Variants in DDA1 observed in about 807,000 individuals in gnomAD.
DDA1 encodes DET1- and DDB1-associated protein 1.
In DDA1, 3 loss-of-function variants were observed where a neutral mutation model predicts 18.6. The observed-to-expected ratio is 0.16, with a 90% confidence interval of 0.07 to 0.42. The LOEUF (loss-of-function observed/expected upper bound fraction) is 0.42. Ranked by LOEUF, DDA1 falls within the 10% of genes least tolerant of loss-of-function variation. The probability of loss-of-function intolerance (pLI) is 0.99; values close to 1 mark genes in which losing one functional copy is unlikely to be tolerated. For missense variants in DDA1, 105 were observed against 138.2 expected (o/e 0.76, Z 1.20); for synonymous variants, 52 against 54.0 (o/e 0.96, Z 0.17).
chr19:17,314,117 C>T lies in DDA1; in HGVS notation c.84+14C>T, dbSNP rs777131533. 1.5e-4 allele frequency: 241 copies of T among 1,613,254 alleles called. No homozygotes were observed. Among genetic ancestry groups the T allele is most frequent in the Non-Finnish European group, 2.0e-4 (233 of 1,179,420 alleles). On this transcript the variant is annotated intron_variant, in intron 2 of 4. Coordinates refer to ENST00000359866, the MANE Select transcript of DDA1 (RefSeq NM_024050.6). This position sits in a 1 kb window ranked among gnomAD's most constrained non-coding sequence, Gnocchi z 4.6. ...TGCAAAGCCTCGGTGAGTGCGTGTTCCTGGGACTGGGAGGAATTGGTCACT... is the reference window on the plus strand; with the variant it reads ...TGCAAAGCCTCGGTGAGTGCGTGTTTCTGGGACTGGGAGGAATTGGTCACT...
Position 17,309,631 on chromosome 19 carries a change from A to G in DDA1, c.-24A>G. ...GCGGTGGAGGCTGAGGCGGCGGCCG[A>G]GGCGGCGACGGAGGAAACAGAAGAT... On this transcript the variant is annotated 5_prime_UTR_variant, in exon 1 of 5. Coordinates refer to ENST00000359866, the MANE Select transcript of DDA1 (RefSeq NM_024050.6). 1 of 1,612,804 alleles carries G rather than the reference A, an allele frequency of 6.2e-7. No homozygotes were observed.
At chr19:17,315,805 TG>T in intron 3 of DDA1, 128 bp from the exon 4 acceptor site, 2 of 879,640 alleles carry the variant, frequency 2.3e-6, no homozygotes, top group Non-Finnish European at 3.7e-6. Context: ...AGCAAAAACA[TG>T]GGACTTTTGG....
Position 17,322,616 on chromosome 19 carries a change from G to C in DDA1, c.*2960G>C, listed in dbSNP as rs926156614. On this transcript the variant is annotated 3_prime_UTR_variant, in exon 5 of 5. Coordinates refer to ENST00000359866, the MANE Select transcript of DDA1 (RefSeq NM_024050.6). The stretch of plus-strand genomic sequence containing the variant: ...TTTGTCCTCTTCCTGAAAAATGTGA[G>C]GGTCTGAGAGGCCACGTTCCTGTTC... 15 of 152,422 alleles carry C rather than the reference G, an allele frequency of 9.8e-5. No homozygotes were observed. The highest frequency in any genetic ancestry group is 9.8e-4 in the Admixed American group (15 of 15,304). 9.4% of individuals were successfully genotyped at this position (152,422 alleles called of 1,614,324 possible). A position where few individuals can be genotyped will look rare whatever the true frequency, so the allele number is the denominator to read the frequency against.
At position 17,322,471 on chromosome 19, in the gene DDA1, C is replaced by T. The variant is rs1399664959; in HGVS notation, c.*2815C>T. 2 of 152,772 alleles carry T rather than the reference C, an allele frequency of 1.3e-5. No homozygotes were observed. The highest frequency in any genetic ancestry group is 1.9e-4 in the East Asian group (1 of 5,210). 9.5% of individuals were successfully genotyped at this position (152,772 alleles called of 1,614,324 possible). ...CTCCGCCTTTGCACAGGCTGTTCTC[C>T]TGCCTCCAGTGAACTCTGACTTCTC... On this transcript the variant is annotated 3_prime_UTR_variant, in exon 5 of 5. Coordinates refer to ENST00000359866, the MANE Select transcript of DDA1 (RefSeq NM_024050.6).
chr19:17,314,991 C>G lies in DDA1; in HGVS notation c.136+602C>G, dbSNP rs1218702975. Among the ~76,000 whole-genome samples the G allele has an allele frequency of 1.3e-5, 2 of 151,744 alleles. No individual in the cohort carries two copies. Among genetic ancestry groups the G allele is most frequent in the Admixed American group, 6.6e-5 (1 of 15,212 alleles). The stretch of plus-strand genomic sequence containing the variant: ...GTAGCTCCCGCCTGTAATCCCAGCA[C>G]TTTGGGAGGCTGAGGCAGGAGGATT... On this transcript the variant is annotated intron_variant, in intron 3 of 4. Coordinates refer to ENST00000359866, the MANE Select transcript of DDA1 (RefSeq NM_024050.6). This position sits in a 1 kb window ranked among gnomAD's most constrained non-coding sequence, Gnocchi z 4.6.
intron 1 of DDA1, among the ~76,000 whole-genome samples, chr19:17,311,551 C>T (rs1323443888): frequency 2.6e-5 from 4 of 152,198 alleles, no homozygotes; most frequent in African/African-American, 9.7e-5. Flanking sequence ...CCCTGAGGCC[C>T]CTGGCCACCT....
rs765704799 is a variant in DDA1 at position 17,314,079 on chromosome 19, C to T, written c.60C>T (p.His20=). 13 of 1,613,988 alleles carry T rather than the reference C, an allele frequency of 8.1e-6. No homozygotes were observed. The highest frequency in any genetic ancestry group is 2.2e-5 in the East Asian group (1 of 44,900). Residue 20 remains histidine, a synonymous_variant, in exon 2 of 5, where the codon CAC becomes CAT. Coordinates refer to ENST00000359866, the MANE Select transcript of DDA1 (RefSeq NM_024050.6). The surrounding 1 kb of genome is among the most constrained non-coding windows in gnomAD (Gnocchi z 4.6). ...ACAAAAGCAATTTTAGTCGATTTCA[C>T]GCGGACTCCGTGTGCAAAGCCTCGG... ...VYNKSNFSRF[H]ADSVCKASNR...
At position 17,322,204 on chromosome 19, in the gene DDA1, C is replaced by T. The variant is rs138454383; in HGVS notation, c.*2548C>T. The T allele has an allele frequency of 1.3e-5, 2 of 153,228 alleles. No individual in the cohort carries two copies. Among genetic ancestry groups the T allele is most frequent in the Non-Finnish European group, 2.9e-5 (2 of 68,632 alleles). The allele number at this position is 153,228 out of a possible 1,614,324, so 9.5% of individuals were successfully genotyped here. On this transcript the variant is annotated 3_prime_UTR_variant, in exon 5 of 5. Transcript: ENST00000359866. ...CTGCAGGGCTGCTGGGCGGGCACCT[C>T]CTTCCCCTCCCCTACCTCAGCTCCC...
intron 1 of DDA1, chr19:17,310,277 C>G (rs999034375): frequency 6.6e-6 from 1 of 152,374 alleles, no homozygotes; most frequent in African/African-American, 2.4e-5. Context: ...AGGTAACTGA[C>G]GTCGTAAAGG....
intron 1 of DDA1, among the ~76,000 whole-genome samples, chr19:17,311,674 T>A (rs555934805): frequency 2.6e-5 from 4 of 152,346 alleles, no homozygotes; most frequent in African/African-American, 4.8e-5. Flanking sequence ...CCTTTACACC[T>A]GCTGCTCTTT....
rs918942739 is a variant in DDA1 at position 17,319,739 on chromosome 19, C to G, written c.*83C>G. 1 of 1,243,248 alleles carries G rather than the reference C, an allele frequency of 8.0e-7. No individual in the cohort carries two copies. The highest frequency in any genetic ancestry group is 1.1e-6 in the Non-Finnish European group (1 of 883,698). The allele number at this position is 1,243,248 out of a possible 1,614,324, so 77.0% of individuals were successfully genotyped here. On this transcript the variant is annotated 3_prime_UTR_variant, in exon 5 of 5. Transcript: ENST00000359866. ...TGCCCGCCATGTGTAAGCACCCCGC[C>G]CGCCCGCCTCCCTGCCGGCCCATCC...
In DDA1 at chr19:17,314,841, G is replaced by C; in HGVS notation, c.136+452G>C. On this transcript the variant is annotated intron_variant, in intron 3 of 4. Coordinates refer to ENST00000359866, the MANE Select transcript of DDA1 (RefSeq NM_024050.6). The surrounding 1 kb of genome is among the most constrained non-coding windows in gnomAD (Gnocchi z 4.6). ...GCAGAGGGCTACAGGGGCTTGGGCTGGGGATCCAGCCAAGCCTGGGTGGCA... is the reference window on the plus strand; with the variant it reads ...GCAGAGGGCTACAGGGGCTTGGGCTCGGGATCCAGCCAAGCCTGGGTGGCA... 1 of 175,286 alleles carries C rather than the reference G, an allele frequency of 5.7e-6. No individual in the cohort carries two copies. The highest frequency in any genetic ancestry group is 1.2e-5 in the Non-Finnish European group (1 of 80,906). The allele number at this position is 175,286 out of a possible 1,614,324, so 10.9% of individuals were successfully genotyped here.
chr19:17,312,614 A>G (rs1436142595), intron 1 of DDA1, among the ~76,000 whole-genome samples: 1 of 152,156 alleles, frequency 6.6e-6, no homozygotes, highest in African/African-American at 2.4e-5. Flanking sequence ...TATCCCCTAA[A>G]TGGGCCAGAG....
Position 17,314,486 on chromosome 19 carries a change from C to T in DDA1, c.136+97C>T. The T allele has an allele frequency of 6.6e-7, 1 of 1,521,572 alleles. No individual in the cohort carries two copies. Among genetic ancestry groups the T allele is most frequent in the East Asian group, 2.3e-5 (1 of 44,046 alleles). The allele number at this position is 1,521,572 out of a possible 1,614,324, so 94.3% of individuals were successfully genotyped here. A position where few individuals can be genotyped will look rare whatever the true frequency, so the allele number is the denominator to read the frequency against. ...GCGGAGGTTATCTTCAACCCCGGCC[C>T]AGGCCATAGACTTGGCTTGGGTTCA... On this transcript the variant is annotated intron_variant, in intron 3 of 4. Coordinates refer to ENST00000359866, the MANE Select transcript of DDA1 (RefSeq NM_024050.6). This position sits in a 1 kb window ranked among gnomAD's most constrained non-coding sequence, Gnocchi z 4.6.
chr19:17,320,537 G>C lies in DDA1; in HGVS notation c.*881G>C, dbSNP rs930073923. On this transcript the variant is annotated 3_prime_UTR_variant, in exon 5 of 5. Coordinates refer to ENST00000359866, the MANE Select transcript of DDA1 (RefSeq NM_024050.6). ...TCATTCCTGAGAGACGGTCCATGGT[G>C]CCAAGGATGGAGCGGGGTCAGCCCC... 3 of 152,404 alleles carry C rather than the reference G, an allele frequency of 2.0e-5. No individual in the cohort carries two copies. The highest frequency in any genetic ancestry group is 4.4e-5 in the Non-Finnish European group (3 of 68,148). The allele number at this position is 152,404 out of a possible 1,614,324, so 9.4% of individuals were successfully genotyped here.
rs774862712 is a variant in DDA1 at position 17,314,400 on chromosome 19, G to A, written c.136+11G>A. Reference sequence around the variant, plus strand: ...ACCCGTCTGAACAGAGTAAGTGGCCGCTGTCAGTCTGTCCCATTCTGGCTG... The same window carrying A: ...ACCCGTCTGAACAGAGTAAGTGGCCACTGTCAGTCTGTCCCATTCTGGCTG... On this transcript the variant is annotated intron_variant, in intron 3 of 4. Transcript: ENST00000359866. This position sits in a 1 kb window ranked among gnomAD's most constrained non-coding sequence, Gnocchi z 4.6. 7.4e-6 allele frequency: 12 copies of A among 1,614,230 alleles called. No homozygotes were observed. Among genetic ancestry groups the A allele is most frequent in the South Asian group, 4.4e-5 (4 of 91,086 alleles).
intron 3 of DDA1, among the ~76,000 whole-genome samples, chr19:17,315,349 GC>G (rs1347353833): frequency 2.4e-5 from 1 of 42,166 alleles, no homozygotes; most frequent in African/African-American, 9.2e-5. Flanking sequence ...ATATATACAC[GC>G]TATATATATA....
At position 17,314,250 on chromosome 19, in the gene DDA1, G is replaced by A. The variant is rs373537980; in HGVS notation, c.85-88G>A. On this transcript the variant is annotated intron_variant, in intron 2 of 4. Coordinates refer to ENST00000359866, the MANE Select transcript of DDA1 (RefSeq NM_024050.6). The surrounding 1 kb of genome is among the most constrained non-coding windows in gnomAD (Gnocchi z 4.6). ...CACATACTTGAGTGTCTTCCAATCT[G>A]CACTGAAGGGTGGGTGCTGAGTGGA... is the stretch of plus-strand genomic sequence containing the variant. 14 of 1,576,328 alleles carry A rather than the reference G, an allele frequency of 8.9e-6. No homozygotes were observed. Among genetic ancestry groups the A allele is most frequent in the Middle Eastern group, 1.7e-4 (1 of 5,988 alleles).
Position 17,314,813 on chromosome 19 carries a change from G to A in DDA1, c.136+424G>A, listed in dbSNP as rs2074194971. On this transcript the variant is annotated intron_variant, in intron 3 of 4. Coordinates refer to ENST00000359866, the MANE Select transcript of DDA1 (RefSeq NM_024050.6). The surrounding 1 kb of genome is among the most constrained non-coding windows in gnomAD (Gnocchi z 4.6). ...AAGACAAGTGCTATCGGGCAGAGAGGCAGCAGAGGGCTACAGGGGCTTGGG... is the reference window on the plus strand; with the variant it reads ...AAGACAAGTGCTATCGGGCAGAGAGACAGCAGAGGGCTACAGGGGCTTGGG... 1 of 207,006 alleles carries A rather than the reference G, an allele frequency of 4.8e-6. No individual in the cohort carries two copies. Among genetic ancestry groups the A allele is most frequent in the Non-Finnish European group, 1.0e-5 (1 of 100,082 alleles). 12.8% of individuals were successfully genotyped at this position (207,006 alleles called of 1,614,324 possible).
Sources: allele counts gnomAD v4.1 joint callset (sites outside exome capture counted in the v4.1 genomes callset), GRCh38; gene constraint gnomAD v4.1.1; non-coding constraint Gnocchi (gnomAD v3.1); transcripts MANE v1.5; gene names NCBI Gene and HGNC (gene_info 2026-07-23, HGNC 2026-07-21).